The following WNK1 variants were observed in gnomAD, a reference collection of about 807,000 sequenced individuals.
The protein encoded by WNK1 is WNK lysine deficient protein kinase 1, also known as serine/threonine-protein kinase WNK1.
In WNK1, 38 loss-of-function variants were observed where a neutral mutation model predicts 222.8. The ratio of observed to expected loss-of-function variants is 0.17; its 90% CI spans 0.13 to 0.22. WNK1 has a LOEUF of 0.22. Among genes scored for constraint, WNK1 ranks in the 10% least tolerant of loss-of-function variants. WNK1 has a pLI of 1.00. For missense variants in WNK1, 2,348 were observed against 2,918.4 expected (o/e 0.80, Z 4.50); for synonymous variants, 1,090 against 1,092.9 (o/e 1.00, Z 0.05).
chr12:805,233 A>G (rs1320381153), intron 1 of WNK1, among the ~76,000 whole-genome samples: 1 of 152,156 alleles, frequency 6.6e-6, no homozygotes, highest in African/African-American at 2.4e-5. Flanking sequence ...ACCATTTTAC[A>G]ATCACAGCAG....
At chr12:798,904 C>T (rs1045701488) in intron 1 of WNK1, among the ~76,000 whole-genome samples, 5 of 152,026 alleles carry the variant, frequency 3.3e-5, no homozygotes, top group Admixed American at 2.6e-4. Context: ...ATCTATTGTA[C>T]GGGGATGTTA....
At chr12:841,913 C>A (rs920817883) in intron 4 of WNK1, among the ~76,000 whole-genome samples, 1 of 152,188 alleles carries the variant, frequency 6.6e-6, no homozygotes, top group Non-Finnish European at 1.5e-5. Flanking sequence ...CCTCTTAATA[C>A]TGTCTCATTG....
chr12:785,479 C>T (rs924612783), intron 1 of WNK1, among the ~76,000 whole-genome samples: 1 of 139,926 alleles, frequency 7.1e-6, no homozygotes, highest in Non-Finnish European at 1.5e-5. Flanking sequence ...TGGCTCACTG[C>T]AGCCTCCACC....
In WNK1 at chr12:908,804, T is replaced by C; in HGVS notation, c.*12T>C. 2.9e-6 allele frequency: 4 copies of C among 1,402,960 alleles called. No homozygotes were observed. The highest frequency in any genetic ancestry group is 2.0e-4 in the Middle Eastern group (1 of 4,998). 86.9% of individuals were successfully genotyped at this position (1,402,960 alleles called of 1,614,324 possible). On this transcript the variant is annotated 3_prime_UTR_variant, in exon 28 of 28. Transcript: ENST00000315939. ...TGCGGACCACTTAGACCTAGAGACA[T>C]TAACTGAATAGATCTGGGGGCAGGA... is the stretch of plus-strand genomic sequence containing the variant.
chr12:753,933 A>T lies in WNK1; in HGVS notation c.368A>T (p.Glu123Val). 1 of 1,604,144 alleles carries T rather than the reference A, an allele frequency of 6.2e-7. No individual in the cohort carries two copies. Among genetic ancestry groups the T allele is most frequent in the African/African-American group, 1.3e-5 (1 of 74,924 alleles). Residue 123 changes from glutamate to valine, a missense_variant, in exon 1 of 28, where the codon GAG becomes GTG. Glu to Val is a moderately radical substitution (Grantham distance 121). Transcript: ENST00000315939. The surrounding 1 kb of genome is among the most constrained non-coding windows in gnomAD (Gnocchi z 5.2). ...QSAPPEPHRE[E>V]TVTATATSQV... The stretch of plus-strand genomic sequence containing the variant: ...GCTCCACCGGAGCCCCACCGGGAAG[A>T]GACCGTGACCGCCACCGCCACTTCC...
chr12:769,571 G>A (rs1459728686), intron 1 of WNK1, among the ~76,000 whole-genome samples: 3 of 152,132 alleles, frequency 2.0e-5, no homozygotes, highest in African/African-American at 7.2e-5. Flanking sequence ...TGTAGAAGAT[G>A]TTCTCAGTTC....
intron 1 of WNK1, among the ~76,000 whole-genome samples, chr12:775,429 G>T (rs1437718158): frequency 1.3e-5 from 2 of 152,144 alleles, no homozygotes; most frequent in African/African-American, 4.8e-5. Context: ...CTAACGTAAA[G>T]TTTGATCAGA....
At chr12:894,513 T>A (rs527338305) in intron 22 of WNK1, 49 bp from the exon 23 acceptor site, 2 of 1,504,366 alleles carry the variant, frequency 1.3e-6, no homozygotes, top group Admixed American at 1.7e-5. Flanking sequence ...GAAAAGAAGT[T>A]AACTGGAAGG....
rs534254375 is a variant in WNK1, at chr12:772,987, C to T, written c.759+18663C>T. Among the ~76,000 whole-genome samples the T allele has an allele frequency of 5.9e-5, 9 of 152,234 alleles. No individual in the cohort carries two copies. In the South Asian group the frequency reaches 1.0e-3, roughly 18 times the overall value. The stretch of plus-strand genomic sequence containing the variant: ...TGTAAGTTCTTTGAGGAGCTGGGCA[C>T]GGTGGCTCACACCTGTAATCCAGCA... On this transcript the variant is annotated intron_variant, in intron 1 of 27. Transcript: ENST00000315939.
chr12:886,117 TATG>T, intron 19 of WNK1, 33 bp downstream of exon 19: 1 of 1,477,872 alleles, frequency 6.8e-7, no homozygotes, highest in Middle Eastern at 1.8e-4. Flanking sequence ...ATTAGATAAA[TATG>T]ATCAGTTTTT....
chr12:820,194 C>T (rs781326732), intron 2 of WNK1, among the ~76,000 whole-genome samples: 2 of 152,146 alleles, frequency 1.3e-5, no homozygotes, highest in Non-Finnish European at 2.9e-5. Flanking sequence ...AATCCGTGAA[C>T]ACAGGGTGTC....
chr12:796,156 G>A (rs1945293848), intron 1 of WNK1, among the ~76,000 whole-genome samples: 1 of 152,064 alleles, frequency 6.6e-6, no homozygotes, highest in East Asian at 1.9e-4. Flanking sequence ...TTACAGACGT[G>A]AGCCACCACT....
intron 26 of WNK1, chr12:906,280 C>T (rs868486119): frequency 1.0e-6 from 1 of 981,746 alleles, no homozygotes. Flanking sequence ...TCTTCTTTCC[C>T]TCTTCCCCAA....
intron 26 of WNK1, chr12:901,672 C>G: frequency 8.1e-7 from 1 of 1,230,498 alleles, no homozygotes; most frequent in Non-Finnish European, 1.1e-6. Context: ...CACCTTTACT[C>G]CTTCCTTGTC....
At chr12:793,157 A>G (rs1321599463) in intron 1 of WNK1, among the ~76,000 whole-genome samples, 1 of 152,218 alleles carries the variant, frequency 6.6e-6, no homozygotes, top group African/African-American at 2.4e-5. Context: ...ATTTTAGAGA[A>G]TAACATCTTC....
intron 1 of WNK1, among the ~76,000 whole-genome samples, chr12:793,804 G>C (rs1021430006): frequency 4.6e-5 from 7 of 151,904 alleles, no homozygotes; most frequent in South Asian, 2.1e-4. Flanking sequence ...CAATTCACTT[G>C]GTTAAAATAT....
At chr12:782,811 A>T (rs576667965) in intron 1 of WNK1, among the ~76,000 whole-genome samples, 1 of 151,048 alleles carries the variant, frequency 6.6e-6, no homozygotes, top group African/African-American at 2.4e-5. Context: ...ACCTAGTTTA[A>T]ATTTTCTAGT....
intron 26 of WNK1, chr12:904,637 T>A: frequency 1.9e-6 from 1 of 540,168 alleles, no homozygotes; most frequent in Non-Finnish European, 3.0e-6. Flanking sequence ...TTAACATGCT[T>A]AATTGAGAAA....
At chr12:832,482 G>T (rs190856512) in intron 4 of WNK1, among the ~76,000 whole-genome samples, 1 of 152,252 alleles carries the variant, frequency 6.6e-6, no homozygotes. Context: ...ATTATTTATT[G>T]CTGTGAATAT....
Sources: gnomAD v4.1 joint callset for allele counts (sites outside exome capture counted in the v4.1 genomes callset) on GRCh38, gnomAD v4.1.1 for gene constraint, Gnocchi (gnomAD v3.1) non-coding constraint, MANE v1.5 for transcripts, NCBI Gene and HGNC (gene_info 2026-07-23, HGNC 2026-07-21) for gene names.